The following FGFR2 variants were observed in gnomAD, a reference collection of about 807,000 sequenced individuals.
The protein encoded by FGFR2 is fibroblast growth factor receptor 2.
FGFR2 carries 19 observed loss-of-function variants against 95.9 expected under a neutral mutation model. The ratio of observed to expected loss-of-function variants is 0.20; its 90% CI spans 0.14 to 0.29. The LOEUF (loss-of-function observed/expected upper bound fraction) is 0.29, where lower values mean the gene tolerates loss of function less well. Among genes scored for constraint, FGFR2 ranks in the 10% least tolerant of loss-of-function variants. FGFR2 has a pLI of 1.00. For synonymous variants in FGFR2, 392 were observed against 393.3 expected (o/e 1.00, Z 0.04); for missense variants, 707 against 1,056.9 (o/e 0.67, Z 4.59).
rs762873779 is a variant in FGFR2 at position 121,515,309 on chromosome 10, T to C, written c.1095A>G (p.Arg365=). 72 of 1,613,948 alleles carry C rather than the reference T, an allele frequency of 4.5e-5. No homozygotes were observed. The highest frequency in any genetic ancestry group is 1.9e-4 in the South Asian group (17 of 91,074). The change falls in exon 9 of 18, where the codon AGA becomes AGG. Residue 365 remains arginine, a synonymous_variant. Coordinates refer to ENST00000358487, the MANE Select transcript of FGFR2 (RefSeq NM_000141.5). ...CTGGGGAAGCTGTAATCTCCTTTTC[T>C]CTTCCAGGCGCTAGATTGCAGATCA... The part of the protein sequence containing the change: ...AWLTVLPAPG[R]EKEITASPDY...
At chr10:121,532,069 G>A (rs74985544) in intron 6 of FGFR2, among the ~76,000 whole-genome samples, 2,750 of 152,302 alleles carry the variant, frequency 0.018, 48 homozygotes, top group Middle Eastern at 0.034. Flanking sequence ...GGCATGCAGA[G>A]CCCGTGTCAG....
Position 121,591,140 on chromosome 10 carries a change from C to T in FGFR2, c.109+2569G>A, listed in dbSNP as rs373382505. Among the ~76,000 whole-genome samples the T allele has an allele frequency of 4.8e-4, 73 of 152,266 alleles. No homozygotes were observed. The Middle Eastern group carries it at 0.01, about 21-fold the overall frequency. On this transcript the variant is annotated intron_variant, in intron 2 of 17. Coordinates refer to ENST00000358487, the MANE Select transcript of FGFR2 (RefSeq NM_000141.5). ...TTCCTAATCACCTCTGACACCAAAG[C>T]GAACTCCTGCAACAGAAGAACTGGT...
chr10:121,522,890 C>T (rs1850758241), intron 6 of FGFR2, among the ~76,000 whole-genome samples: 1 of 152,208 alleles, frequency 6.6e-6, no homozygotes, highest in African/African-American at 2.4e-5. Flanking sequence ...GCCAGCTCAG[C>T]ACACCAAGGA....
intron 15 of FGFR2, among the ~76,000 whole-genome samples, chr10:121,487,060 A>G (rs2133818864): frequency 6.6e-6 from 1 of 152,362 alleles, no homozygotes; most frequent in African/African-American, 2.4e-5. Flanking sequence ...AGCTTGGCGA[A>G]TTAGATAACC....
chr10:121,579,222 T>C (rs954921036), intron 2 of FGFR2, among the ~76,000 whole-genome samples: 1 of 152,192 alleles, frequency 6.6e-6, no homozygotes, highest in African/African-American at 2.4e-5. Context: ...GGCCTCTGTA[T>C]ATTTAAAGTG....
intron 6 of FGFR2, among the ~76,000 whole-genome samples, chr10:121,524,697 T>A (rs998083492): frequency 2.0e-5 from 3 of 152,188 alleles, no homozygotes; most frequent in African/African-American, 7.2e-5. Context: ...ACCGAGGTGA[T>A]GGCAGGGTGC....
chr10:121,565,758 G>C, intron 2 of FGFR2, 54 bp from the exon 3 acceptor site: 5 of 1,605,248 alleles, frequency 3.1e-6, no homozygotes, highest in South Asian at 1.1e-5. Context: ...AGGGAGAGGA[G>C]AGAACGTCCA....
intron 8 of FGFR2, among the ~76,000 whole-genome samples, chr10:121,515,631 C>T (rs1156260439): frequency 6.6e-6 from 1 of 151,920 alleles, no homozygotes; most frequent in African/African-American, 2.4e-5. Flanking sequence ...ACCAACTGTA[C>T]CCACAATGAA....
At chr10:121,554,826 T>C (rs959144499) in intron 4 of FGFR2, among the ~76,000 whole-genome samples, 1 of 152,104 alleles carries the variant, frequency 6.6e-6, no homozygotes, top group African/African-American at 2.4e-5. Context: ...GTTTTTGCAG[T>C]TGGAAAGGAC....
intron 16 of FGFR2, among the ~76,000 whole-genome samples, chr10:121,484,905 A>G (rs1845208521): frequency 6.6e-6 from 1 of 152,098 alleles, no homozygotes; most frequent in African/African-American, 2.4e-5. Flanking sequence ...ATGGTTCGAG[A>G]AGTTCTGGAA....
chr10:121,529,389 C>G (rs1021524258), intron 6 of FGFR2, among the ~76,000 whole-genome samples: 12 of 152,312 alleles, frequency 7.9e-5, no homozygotes, highest in African/African-American at 2.9e-4. Flanking sequence ...GGATTTCAGG[C>G]GTGAGCCAGC....
At chr10:121,573,345 T>C (rs543165696) in intron 2 of FGFR2, among the ~76,000 whole-genome samples, 1 of 152,318 alleles carries the variant, frequency 6.6e-6, no homozygotes, top group South Asian at 2.1e-4. Context: ...TTCTGGGGTT[T>C]CCCAGGGATG....
intron 5 of FGFR2, among the ~76,000 whole-genome samples, chr10:121,542,580 T>C (rs1352160339): frequency 6.6e-6 from 1 of 152,232 alleles, no homozygotes. Flanking sequence ...TTATTTTTCA[T>C]CTGCCAAGTA....
At chr10:121,548,244 CCTTTTTTTTTTT>C (rs2134761302) in intron 5 of FGFR2, among the ~76,000 whole-genome samples, 1 of 36,938 alleles carries the variant, frequency 2.7e-5, no homozygotes, top group South Asian at 1.3e-3. Context: ...CCGCTTTTGG[CCTTTTTTTTTTT>C]TTTTTTTTTT....
At chr10:121,528,602 CATCTG>C (rs1460874473) in intron 6 of FGFR2, among the ~76,000 whole-genome samples, 1 of 152,182 alleles carries the variant, frequency 6.6e-6, no homozygotes, top group African/African-American at 2.4e-5. Flanking sequence ...GCTTTCAGCC[CATCTG>C]AGCAAACAAG....
At chr10:121,562,284 G>GTTT (rs374500237) in intron 4 of FGFR2, among the ~76,000 whole-genome samples, 2 of 142,272 alleles carry the variant, frequency 1.4e-5, no homozygotes, top group African/African-American at 2.6e-5. Context: ...AACAGAGTTT[G>GTTT]TTTTTTTTTT....
chr10:121,500,120 T>C (rs1438841170), intron 11 of FGFR2, among the ~76,000 whole-genome samples: 1 of 152,234 alleles, frequency 6.6e-6, no homozygotes. Context: ...TCCCTATAAC[T>C]CTTCTCATAA....
intron 2 of FGFR2, among the ~76,000 whole-genome samples, chr10:121,573,078 G>A (rs1432790975): frequency 6.6e-6 from 1 of 152,226 alleles, no homozygotes; most frequent in Non-Finnish European, 1.5e-5. Flanking sequence ...AGCTATTTCA[G>A]GTAACACTTT....
In FGFR2 at chr10:121,485,290, C is replaced by A; in HGVS notation, c.2195+105G>T. The A allele has an allele frequency of 8.8e-6, 13 of 1,481,898 alleles. No homozygotes were observed. The highest frequency in any genetic ancestry group is 1.2e-5 in the Non-Finnish European group (13 of 1,062,926). 91.8% of individuals were successfully genotyped at this position (1,481,898 alleles called of 1,614,324 possible). On this transcript the variant is annotated intron_variant, in intron 16 of 17. Coordinates refer to ENST00000358487, the MANE Select transcript of FGFR2 (RefSeq NM_000141.5). The surrounding 1 kb of genome is among the most constrained non-coding windows in gnomAD (Gnocchi z 4.2). ...AGAGCTTCAGCCATTCTTCTTAGAG[C>A]ATGTTTAGGAAACCAGGGGCCTTCA... is the stretch of plus-strand genomic sequence containing the variant.
Sources: gnomAD v4.1 joint callset for allele counts (sites outside exome capture counted in the v4.1 genomes callset) on GRCh38, gnomAD v4.1.1 for gene constraint, Gnocchi (gnomAD v3.1) non-coding constraint, MANE v1.5 for transcripts, NCBI Gene and HGNC (gene_info 2026-07-23, HGNC 2026-07-21) for gene names.